Variants in ITFG1 observed in about 807,000 individuals in gnomAD.
ITFG1 encodes integrin alpha FG-GAP repeat containing 1.
ITFG1 carries 34 observed loss-of-function variants against 81.8 expected under a neutral mutation model. The observed-to-expected ratio is 0.42, with a 90% CI of 0.32 to 0.55. ITFG1 has a LOEUF of 0.55. Ranked by LOEUF, ITFG1 falls within the 20% of genes least tolerant of loss-of-function variation. ITFG1 has a pLI of 0.17. For synonymous variants in ITFG1, 285 were observed against 270.6 expected, an observed-to-expected ratio of 1.05 and a Z score of -0.52; for missense variants, 672 against 755.4, an observed-to-expected ratio of 0.89 and a Z score of 1.29.
At chr16:47,193,262 A>AT (rs1430794049) in intron 14 of ITFG1, among the ~76,000 whole-genome samples, 1 of 150,932 alleles carries the variant, frequency 6.6e-6, no homozygotes, top group Non-Finnish European at 1.5e-5. Context: ...AGGTTAAAAG[A>AT]TTTTTCACTC....
chr16:47,224,342 T>A (rs1448979612), intron 13 of ITFG1, among the ~76,000 whole-genome samples: 2 of 152,162 alleles, frequency 1.3e-5, no homozygotes, highest in Admixed American at 1.3e-4. Context: ...GGAAATGAGA[T>A]ATTCACAGGG....
intron 8 of ITFG1, among the ~76,000 whole-genome samples, chr16:47,344,001 T>C (rs1244107389): frequency 2.0e-5 from 3 of 152,102 alleles, no homozygotes; most frequent in Non-Finnish European, 4.4e-5. Context: ...CGCAAAAACA[T>C]TATGCTAGGT....
intron 6 of ITFG1, 82 bp from the exon 7 acceptor site, chr16:47,376,022 A>T (rs535219336): frequency 2.8e-6 from 2 of 712,804 alleles, no homozygotes; most frequent in Non-Finnish European, 4.8e-6. Context: ...AATGCAATAC[A>T]TTAAAAGAAT....
intron 5 of ITFG1, among the ~76,000 whole-genome samples, chr16:47,442,073 AT>A (rs1053234321): frequency 6.6e-6 from 1 of 152,208 alleles, no homozygotes; most frequent in African/African-American, 2.4e-5. Flanking sequence ...GTGAACTCCC[AT>A]TCACAATGGT....
intron 14 of ITFG1, among the ~76,000 whole-genome samples, chr16:47,179,620 T>C (rs910578278): frequency 2.7e-5 from 4 of 150,652 alleles, no homozygotes; most frequent in African/African-American, 5.0e-5. Flanking sequence ...AAATATACCT[T>C]CATAAAGTTG....
At chr16:47,168,796 T>A (rs1964924530) in intron 14 of ITFG1, among the ~76,000 whole-genome samples, 1 of 152,184 alleles carries the variant, frequency 6.6e-6, no homozygotes, top group Non-Finnish European at 1.5e-5. Context: ...CATTGTCAAA[T>A]CTGAGGAAAT....
intron 11 of ITFG1, 107 bp downstream of exon 11, chr16:47,260,438 G>T: frequency 1.7e-6 from 2 of 1,186,044 alleles, no homozygotes; most frequent in Non-Finnish European, 2.4e-6. Flanking sequence ...TAACTCATTT[G>T]CTTTTTGTTG....
chr16:47,397,329 G>A (rs1447522812), intron 6 of ITFG1, among the ~76,000 whole-genome samples: 1 of 152,162 alleles, frequency 6.6e-6, no homozygotes, highest in East Asian at 1.9e-4. Flanking sequence ...TCAGGGATGG[G>A]TAAGTTAGGA....
chr16:47,197,499 T>C (rs569605893), intron 14 of ITFG1, among the ~76,000 whole-genome samples: 1 of 152,232 alleles, frequency 6.6e-6, no homozygotes, highest in Admixed American at 6.5e-5. Context: ...GCTTTATGTA[T>C]TTACCTATAA....
At chr16:47,445,932 G>T (rs1439862359) in intron 5 of ITFG1, among the ~76,000 whole-genome samples, 3 of 152,092 alleles carry the variant, frequency 2.0e-5, no homozygotes, top group South Asian at 2.1e-4. Flanking sequence ...TTAGAACTTG[G>T]AAGATCCAGA....
intron 14 of ITFG1, among the ~76,000 whole-genome samples, chr16:47,167,631 T>G (rs1025813691): frequency 1.3e-5 from 2 of 152,092 alleles, no homozygotes; most frequent in African/African-American, 4.8e-5. Context: ...GGCCCCACCC[T>G]TATCTCCCTT....
At chr16:47,212,994 G>A (rs897791303) in intron 14 of ITFG1, among the ~76,000 whole-genome samples, 6 of 152,086 alleles carry the variant, frequency 3.9e-5, no homozygotes, top group Admixed American at 1.3e-4. Flanking sequence ...GGGTGCTTAC[G>A]TTATTAATCT....
intron 14 of ITFG1, among the ~76,000 whole-genome samples, chr16:47,167,032 A>G (rs962907809): frequency 2.0e-5 from 3 of 152,192 alleles, no homozygotes; most frequent in African/African-American, 4.8e-5. Context: ...TGTATTTGCA[A>G]TGTTGTGCAA....
At chr16:47,423,003 T>C (rs1567494896) in intron 6 of ITFG1, among the ~76,000 whole-genome samples, 1 of 152,226 alleles carries the variant, frequency 6.6e-6, no homozygotes, top group East Asian at 1.9e-4. Context: ...CTTGTTGATC[T>C]GTCTGATATT....
chr16:47,228,896 G>A lies in ITFG1; in HGVS notation c.1374+9069C>T, dbSNP rs1464753222. 3.3e-5 allele frequency among the ~76,000 whole-genome samples: 5 copies of A among 152,184 alleles called. No individual in the cohort carries two copies. The South Asian group carries it at 1.0e-3, about 32-fold the overall frequency. ...TTTCCTTTGCATCAGAGCTTTTCCA[G>A]AATGCATTTCTCTTGTAAATAGCTT... On this transcript the variant is annotated intron_variant, in intron 13 of 17. Transcript: ENST00000320640.
intron 5 of ITFG1, among the ~76,000 whole-genome samples, chr16:47,450,616 C>G (rs1291984729): frequency 2.0e-5 from 3 of 152,078 alleles, no homozygotes; most frequent in African/African-American, 4.8e-5. Context: ...CACTAGAGTT[C>G]CAAGTAGCTG....
At chr16:47,395,152 A>G (rs2151597177) in intron 6 of ITFG1, among the ~76,000 whole-genome samples, 1 of 152,242 alleles carries the variant, frequency 6.6e-6, no homozygotes, top group East Asian at 1.9e-4. Context: ...AATAGACTTT[A>G]GTTCACAGTA....
intron 10 of ITFG1, chr16:47,263,389 T>C (rs1966234806): frequency 1.1e-5 from 5 of 476,186 alleles, no homozygotes; most frequent in South Asian, 8.2e-5. Context: ...CCTGCATAGA[T>C]GCCTACTCAG....
intron 10 of ITFG1, among the ~76,000 whole-genome samples, chr16:47,298,639 G>A (rs1177997912): frequency 6.6e-6 from 1 of 152,178 alleles, no homozygotes; most frequent in Non-Finnish European, 1.5e-5. Flanking sequence ...GTACTGGGTG[G>A]ATGAAGAAGC....
Sources: gnomAD v4.1 joint callset for allele counts (sites outside exome capture counted in the v4.1 genomes callset) on GRCh38, gnomAD v4.1.1 for gene constraint, MANE v1.5 for transcripts, NCBI Gene and HGNC (gene_info 2026-07-23, HGNC 2026-07-21) for gene names.